WASHC4: variants seen among roughly 807,000 people sequenced by gnomAD.
WASHC4 encodes the protein WASH complex subunit 7.
A neutral mutation model predicts 166.6 loss-of-function variants in WASHC4; 86 were observed. That is an observed-to-expected ratio of 0.52 (90% CI 0.43 to 0.62). The LOEUF (loss-of-function observed/expected upper bound fraction) is 0.62. Ranked by LOEUF, WASHC4 falls within the 20% of genes least tolerant of loss-of-function variation. WASHC4 has a pLI of 0.00. For synonymous variants in WASHC4, 446 were observed against 451.6 expected (o/e 0.99, Z 0.16); for missense variants, 1,262 against 1,382.4 (o/e 0.91, Z 1.38).
intron 21 of WASHC4, 37 bp downstream of exon 21, chr12:105,144,492 CTTTTT>C (rs370837338): frequency 2.0e-4 from 261 of 1,338,158 alleles, no homozygotes; most frequent in Middle Eastern, 4.0e-4. Context: ...GTCATATTCT[CTTTTT>C]TTTTTTTTTT....
chr12:105,137,257 A>G (rs1451430154), intron 14 of WASHC4, among the ~76,000 whole-genome samples: 1 of 152,140 alleles, frequency 6.6e-6, no homozygotes, highest in Non-Finnish European at 1.5e-5. Flanking sequence ...GGCTTCCTTC[A>G]TGAATAGAAG....
Position 105,127,278 on chromosome 12 carries a change from A to G in WASHC4, c.1188A>G (p.Gln396=), listed in dbSNP as rs376297455. 1.5e-5 allele frequency: 24 copies of G among 1,607,102 alleles called. No individual in the cohort carries two copies. In the African/African-American group the frequency reaches 1.6e-4, roughly 11 times the overall value. ...ATACTTTTCTACAACAGAAAGCTCA[A>G]TCACTTACCAAGTAGGTTTTATAAA... ...HRDTFLQQKA[Q]SLTKDVQSYY... Residue 396 remains glutamine (Q), a synonymous_variant, in exon 13 of 33, where the codon CAA becomes CAG. Transcript: ENST00000332180.
At chr12:105,120,736 G>A in intron 8 of WASHC4, 139 bp downstream of exon 8, 1 of 688,572 alleles carries the variant, frequency 1.5e-6, no homozygotes, top group Non-Finnish European at 2.6e-6. Flanking sequence ...GTGTGTGTTT[G>A]CATTTGTTCT....
intron 4 of WASHC4, 63 bp from the exon 5 acceptor site, chr12:105,115,117 AAGAG>A: frequency 1.2e-6 from 1 of 804,050 alleles, no homozygotes; most frequent in Non-Finnish European, 2.2e-6. Flanking sequence ...ATACAGATCT[AAGAG>A]AGCATAGGAA....
chr12:105,152,518 A>C, intron 26 of WASHC4, 67 bp downstream of exon 26: 1 of 892,870 alleles, frequency 1.1e-6, no homozygotes, highest in South Asian at 1.3e-5. Flanking sequence ...TATATTAACT[A>C]TTTCACACTA....
At chr12:105,121,238 A>T (rs1880712429) in intron 9 of WASHC4, 34 bp downstream of exon 9, 1 of 1,288,162 alleles carries the variant, frequency 7.8e-7, no homozygotes, top group African/African-American at 1.5e-5. Context: ...AATGTTTCTT[A>T]CTTTGGTTAA....
At chr12:105,141,377 G>T in intron 18 of WASHC4, 131 bp downstream of exon 18, 1 of 770,578 alleles carries the variant, frequency 1.3e-6, no homozygotes. Flanking sequence ...AACTTCTTTA[G>T]CATGACCAAA....
intron 2 of WASHC4, 62 bp downstream of exon 2, chr12:105,111,326 C>T (rs1162740657): frequency 1.9e-6 from 2 of 1,069,266 alleles, no homozygotes; most frequent in Non-Finnish European, 1.3e-6. Context: ...ATCCTGAAAA[C>T]ATAATTTTTT....
At position 105,140,381 on chromosome 12, in the gene WASHC4, C is replaced by A; in HGVS notation, c.1540C>A (p.His514Asn). The part of the protein sequence containing the change: ...ITQHLQHQAL[H>N]SISVAKKRVI... ...ACAGCACCTTCAACATCAGGCTCTTCATTCTATTTCTGTGGCCAAGGTATG... is the reference window on the plus strand; with the variant it reads ...ACAGCACCTTCAACATCAGGCTCTTAATTCTATTTCTGTGGCCAAGGTATG... Residue 514 changes from histidine to asparagine, a missense_variant, in exon 16 of 33, where the codon CAT (histidine) becomes AAT (asparagine). His to Asn is a moderately conservative substitution (Grantham distance 68). Coordinates refer to ENST00000332180, the MANE Select transcript of WASHC4 (RefSeq NM_015275.3). 6.2e-7 allele frequency: 1 copy of A among 1,609,750 alleles called. No homozygotes were observed. The highest frequency in any genetic ancestry group is 2.2e-5 in the East Asian group (1 of 44,832).
In WASHC4 at chr12:105,148,955, GTTAT is replaced by G. The variant is rs1883521878; in HGVS notation, c.2515-654_2515-651del. On this transcript the variant is annotated intron_variant, in intron 24 of 32. Transcript: ENST00000332180. The stretch of plus-strand genomic sequence containing the variant: ...GGATTTTCTGAGTCAAGGGCTTTTT[GTTAT>G]TTATTGTCAAAGCACACATGTACTT... 3 of 984,814 alleles carry G rather than the reference GTTAT, an allele frequency of 3.0e-6. No individual in the cohort carries two copies. The South Asian group carries it at 1.4e-4, about 46-fold the overall frequency. 61.0% of individuals were successfully genotyped at this position (984,814 alleles called of 1,614,324 possible).
At chr12:105,149,474 G>T in intron 24 of WASHC4, 141 bp from the exon 25 acceptor site, 4 of 1,030,860 alleles carry the variant, frequency 3.9e-6, no homozygotes, top group Non-Finnish European at 5.0e-6. Flanking sequence ...ATATTTTCAG[G>T]TCCAATATGA....
At chr12:105,145,372 GTAA>G (rs1319711918) in intron 22 of WASHC4, among the ~76,000 whole-genome samples, 1 of 151,894 alleles carries the variant, frequency 6.6e-6, no homozygotes, top group East Asian at 1.9e-4. Flanking sequence ...TCTCATGAAT[GTAA>G]TAATTTATGT....
rs1883586287 is a variant in WASHC4, at chr12:105,149,731, G to A, written c.2631G>A (p.Lys877=). 1.3e-6 allele frequency: 2 copies of A among 1,594,186 alleles called. No homozygotes were observed. The highest frequency in any genetic ancestry group is 1.3e-5 in the African/African-American group (1 of 74,634). ...ATATTCGATTTTTCAGGGAAATTAA[G>A]GACCAAAATGATCATAAGGTAGGCT... ...IKDIRFFREI[K]DQNDHKYPFD... The change falls in exon 25 of 33, where the codon AAG becomes AAA. Residue 877 remains lysine (K), a synonymous_variant. Transcript: ENST00000332180.
intron 12 of WASHC4, 46 bp from the exon 13 acceptor site, chr12:105,127,083 T>A: frequency 6.5e-7 from 1 of 1,536,608 alleles, no homozygotes; most frequent in Non-Finnish European, 9.0e-7. Flanking sequence ...GCTTGTTGTT[T>A]AGCCTGCATT....
At chr12:105,120,024 G>T (rs1331517852) in intron 7 of WASHC4, among the ~76,000 whole-genome samples, 2 of 152,146 alleles carry the variant, frequency 1.3e-5, no homozygotes, top group African/African-American at 4.8e-5. Flanking sequence ...TTGAGCCCAG[G>T]AGTTCGAGAC....
intron 2 of WASHC4, 149 bp from the exon 3 acceptor site, chr12:105,114,067 G>A (rs1355048120): frequency 6.5e-6 from 4 of 618,152 alleles, no homozygotes; most frequent in African/African-American, 1.9e-5. Flanking sequence ...TAATGAGATT[G>A]TTTTGGATGA....
chr12:105,162,220 A>G (rs1884540610), intron 29 of WASHC4, among the ~76,000 whole-genome samples: 2 of 152,220 alleles, frequency 1.3e-5, no homozygotes, highest in South Asian at 2.1e-4. Context: ...GAAGAGCTGA[A>G]TTTTCAAGAG....
At chr12:105,120,123 T>C (rs1479658740) in intron 7 of WASHC4, among the ~76,000 whole-genome samples, 1 of 152,224 alleles carries the variant, frequency 6.6e-6, no homozygotes, top group Non-Finnish European at 1.5e-5. Context: ...CCAGTTTGGA[T>C]AGGATAACAA....
At chr12:105,150,876 T>TACA (rs1555239611) in intron 25 of WASHC4, among the ~76,000 whole-genome samples, 3 of 151,854 alleles carry the variant, frequency 2.0e-5, no homozygotes, top group Non-Finnish European at 4.4e-5. Context: ...GGGAAGCCCT[T>TACA]ACAACCATCA....
Sources: allele counts gnomAD v4.1 joint callset (sites outside exome capture counted in the v4.1 genomes callset), GRCh38; gene constraint gnomAD v4.1.1; transcripts MANE v1.5; gene names NCBI Gene and HGNC (gene_info 2026-07-23, HGNC 2026-07-21).